Variants in PRKN observed in about 807,000 individuals in gnomAD.
PRKN encodes the protein E3 ubiquitin-protein ligase parkin.
Under a neutral mutation model 59.5 loss-of-function variants are expected in PRKN, and 56 were observed. The observed-to-expected ratio is 0.94, with a 90% CI of 0.76 to 1.18. The LOEUF is 1.18. Ranked by LOEUF, PRKN falls within the 50% of genes most tolerant of loss-of-function variation. The probability of loss-of-function intolerance (pLI) is 0.00; values close to 1 mark genes in which losing one functional copy is unlikely to be tolerated. For synonymous variants in PRKN, 250 were observed against 222.1 expected (o/e 1.13, Z -1.12); for missense variants, 657 against 596.4 (o/e 1.10, Z -1.06).
At chr6:162,468,442 T>C (rs986707149) in intron 1 of PRKN, among the ~76,000 whole-genome samples, 1 of 152,236 alleles carries the variant, frequency 6.6e-6, no homozygotes, top group African/African-American at 2.4e-5. Context: ...GGAAAGAGCA[T>C]ATGGCAATTT....
At chr6:162,153,186 C>CAGTG (rs1782348004) in intron 4 of PRKN, among the ~76,000 whole-genome samples, 1 of 152,258 alleles carries the variant, frequency 6.6e-6, no homozygotes, top group Non-Finnish European at 1.5e-5. Context: ...CTAAACCCCT[C>CAGTG]ACAGGAGGGA....
chr6:161,831,989 A>C (rs1792517471), intron 6 of PRKN, among the ~76,000 whole-genome samples: 1 of 152,208 alleles, frequency 6.6e-6, no homozygotes, highest in African/African-American at 2.4e-5. Context: ...AGGATCCAGC[A>C]ACTGTCTGGC....
intron 7 of PRKN, among the ~76,000 whole-genome samples, chr6:161,774,989 G>C (rs1265591817): frequency 2.0e-5 from 3 of 152,078 alleles, no homozygotes; most frequent in Admixed American, 1.3e-4. Context: ...TTCAATCCTG[G>C]TGCCACCATT....
chr6:162,309,561 C>T lies in PRKN; in HGVS notation c.172-46796G>A, dbSNP rs117621362. On this transcript the variant is annotated intron_variant, in intron 2 of 11. Coordinates refer to ENST00000366898, the MANE Select transcript of PRKN (RefSeq NM_004562.3). ...GGGATCTTTATCTCAGCTGTCTTGCCGAATAAGCACATGGAGCTGATTTCG... is the reference window on the plus strand; with the variant it reads ...GGGATCTTTATCTCAGCTGTCTTGCTGAATAAGCACATGGAGCTGATTTCG... Among the ~76,000 whole-genome samples the T allele has an allele frequency of 9.8e-4, 149 of 152,196 alleles. 7 individuals are homozygous for T. In the East Asian group the frequency reaches 0.026, roughly 27 times the overall value.
Position 162,370,831 on chromosome 6 carries a change from G to A in PRKN, c.171+72479C>T, listed in dbSNP as rs78381749. Among the ~76,000 whole-genome samples, 474 of 152,252 alleles carry A rather than the reference G, an allele frequency of 3.1e-3. 7 individuals are homozygous for A. The highest frequency in any genetic ancestry group is 0.024 in the East Asian group (122 of 5,172). On this transcript the variant is annotated intron_variant, in intron 2 of 11. Transcript: ENST00000366898. Reference sequence around the variant, plus strand: ...TAGTAGTTCACTAAGAGTCCTATAGGACTTCTTGTGTCTGGAAAAAGAGTT... The same window carrying A: ...TAGTAGTTCACTAAGAGTCCTATAGAACTTCTTGTGTCTGGAAAAAGAGTT...
In PRKN at chr6:161,467,328, G is replaced by C. The variant is rs183446146; in HGVS notation, c.1084-80451C>G. 2.6e-4 allele frequency among the ~76,000 whole-genome samples: 39 copies of C among 152,258 alleles called. No individual in the cohort carries two copies. The highest frequency in any genetic ancestry group is 9.4e-4 in the African/African-American group (39 of 41,538). On this transcript the variant is annotated intron_variant, in intron 9 of 11. Coordinates refer to ENST00000366898, the MANE Select transcript of PRKN (RefSeq NM_004562.3). The surrounding 1 kb of genome is among the most constrained non-coding windows in gnomAD (Gnocchi z 4.3). ...GTGCCTGGCACTGTGCGGTGAATTT[G>C]ATATAGACACATATAATACGAACAC...
chr6:162,099,882 C>G (rs182280154), intron 4 of PRKN, among the ~76,000 whole-genome samples: 1 of 152,184 alleles, frequency 6.6e-6, no homozygotes, highest in Non-Finnish European at 1.5e-5. Flanking sequence ...TTCCTCCTGA[C>G]TCACTGAAAG....
intron 3 of PRKN, among the ~76,000 whole-genome samples, chr6:162,232,205 TCTCCTGA>T (rs1490273038): frequency 6.6e-6 from 1 of 152,136 alleles, no homozygotes; most frequent in African/African-American, 2.4e-5. Flanking sequence ...AATTTCTGCA[TCTCCTGA>T]CTCCTATTTT....
intron 5 of PRKN, among the ~76,000 whole-genome samples, chr6:161,999,797 C>G (rs930836956): frequency 5.3e-5 from 8 of 152,174 alleles, no homozygotes; most frequent in African/African-American, 1.4e-4. Flanking sequence ...GACTTTTTTA[C>G]TTGATGCATA....
chr6:161,819,720 A>G (rs1289798279), intron 6 of PRKN, among the ~76,000 whole-genome samples: 2 of 152,170 alleles, frequency 1.3e-5, no homozygotes, highest in African/African-American at 2.4e-5. Context: ...TTTACATTCA[A>G]AGGCTACCTT....
At chr6:161,670,702 G>T (rs1374604358) in intron 7 of PRKN, among the ~76,000 whole-genome samples, 1 of 152,134 alleles carries the variant, frequency 6.6e-6, no homozygotes, top group African/African-American at 2.4e-5. Flanking sequence ...TGTTGTCCCA[G>T]CTACTCGGGA....
chr6:161,677,836 C>A (rs568846300), intron 7 of PRKN, among the ~76,000 whole-genome samples: 1 of 152,172 alleles, frequency 6.6e-6, no homozygotes, highest in Admixed American at 6.5e-5. Context: ...GAAAACTTCT[C>A]CTTCACTGTG....
intron 7 of PRKN, among the ~76,000 whole-genome samples, chr6:161,647,276 A>G (rs552316726): frequency 5.3e-5 from 8 of 152,326 alleles, no homozygotes; most frequent in African/African-American, 1.9e-4. Context: ...TGCAGAACAT[A>G]CAAAATAAGA....
At chr6:162,470,761 T>C (rs1488396205) in intron 1 of PRKN, among the ~76,000 whole-genome samples, 2 of 152,090 alleles carry the variant, frequency 1.3e-5, no homozygotes, top group East Asian at 3.9e-4. Flanking sequence ...TAAATTTTAT[T>C]TATTTGTTTT....
chr6:161,674,006 G>A (rs976501388), intron 7 of PRKN, among the ~76,000 whole-genome samples: 4 of 152,136 alleles, frequency 2.6e-5, no homozygotes, highest in African/African-American at 9.7e-5. Context: ...TAAAGTTGGA[G>A]CTAAAGCTAT....
At chr6:162,432,794 T>C (rs1190391580) in intron 2 of PRKN, among the ~76,000 whole-genome samples, 1 of 152,208 alleles carries the variant, frequency 6.6e-6, no homozygotes, top group African/African-American at 2.4e-5. Context: ...AAGCGACTCA[T>C]GAATTCTTAG....
intron 2 of PRKN, among the ~76,000 whole-genome samples, chr6:162,345,899 T>C (rs555034631): frequency 9.9e-5 from 15 of 152,254 alleles, no homozygotes; most frequent in African/African-American, 3.4e-4. Flanking sequence ...TGATGGTATT[T>C]GGAGGTGGGG....
chr6:162,521,391 A>G (rs6913981), intron 1 of PRKN, among the ~76,000 whole-genome samples: 61,556 of 152,010 alleles, frequency 0.4, 12,678 homozygotes, highest in South Asian at 0.57. Context: ...TTAATTGTCT[A>G]TAAACTAAAG....
At chr6:162,391,573 C>T (rs552846174) in intron 2 of PRKN, among the ~76,000 whole-genome samples, 17 of 152,100 alleles carry the variant, frequency 1.1e-4, no homozygotes, top group African/African-American at 3.9e-4. Context: ...TTTCTTACTG[C>T]GCATGCTTGA....
Sources: allele counts gnomAD v4.1 joint callset (sites outside exome capture counted in the v4.1 genomes callset), GRCh38; gene constraint gnomAD v4.1.1; non-coding constraint Gnocchi (gnomAD v3.1); transcripts MANE v1.5; gene names NCBI Gene and HGNC (gene_info 2026-07-23, HGNC 2026-07-21).